The following STK33 variants were observed in gnomAD, a reference collection of about 807,000 sequenced individuals.
STK33 encodes the protein serine/threonine-protein kinase 33.
STK33 carries 52 observed loss-of-function variants against 58.0 expected under a neutral mutation model. That is an observed-to-expected ratio of 0.90 (90% CI 0.72 to 1.13). The LOEUF (loss-of-function observed/expected upper bound fraction) is 1.13. Ranked by LOEUF, STK33 falls within the 50% of genes most tolerant of loss-of-function variation. The pLI is 0.00. For synonymous variants in STK33, 215 were observed against 200.1 expected, an observed-to-expected ratio of 1.07 and a Z score of -0.63; for missense variants, 630 against 604.2, an observed-to-expected ratio of 1.04 and a Z score of -0.45.
chr11:8,431,005 TACCA>T (rs1299151582), intron 14 of STK33, among the ~76,000 whole-genome samples: 2 of 151,930 alleles, frequency 1.3e-5, no homozygotes. Flanking sequence ...TAGCTGGGAC[TACCA>T]GCACCCGCCA....
chr11:8,434,896 T>C (rs191809025), intron 14 of STK33, among the ~76,000 whole-genome samples: 340 of 152,302 alleles, frequency 2.2e-3, no homozygotes, highest in African/African-American at 3.0e-3. Context: ...CTTATTATTA[T>C]AGAAGGAGAA....
intron 11 of STK33, among the ~76,000 whole-genome samples, chr11:8,452,098 G>T (rs1946352484): frequency 6.6e-6 from 1 of 152,100 alleles, no homozygotes; most frequent in Non-Finnish European, 1.5e-5. Flanking sequence ...AGCTACTCTG[G>T]AGGCTGAGGC....
chr11:8,412,648 GTGAC>G (rs1206986499), intron 15 of STK33, among the ~76,000 whole-genome samples: 3 of 152,178 alleles, frequency 2.0e-5, no homozygotes, highest in African/African-American at 7.2e-5. Flanking sequence ...TCAGAAACCA[GTGAC>G]TCCTCACGAG....
At chr11:8,463,275 C>T (rs1279229022) in intron 7 of STK33, among the ~76,000 whole-genome samples, 1 of 152,192 alleles carries the variant, frequency 6.6e-6, no homozygotes, top group African/African-American at 2.4e-5. Context: ...TGAAACTGTT[C>T]TACCTCAGAT....
chr11:8,516,587 G>A (rs1450186156), intron 1 of STK33, among the ~76,000 whole-genome samples: 1 of 152,210 alleles, frequency 6.6e-6, no homozygotes, highest in African/African-American at 2.4e-5. Context: ...CCTGGCAAAG[G>A]GAAGCCGTGA....
chr11:8,442,030 TACACACACACACACAC>T (rs55646106), intron 11 of STK33, among the ~76,000 whole-genome samples: 14 of 143,324 alleles, frequency 9.8e-5, no homozygotes, highest in South Asian at 2.2e-4. Flanking sequence ...TACCTACACC[TACACACACACACACAC>T]ACACACACAC....
chr11:8,445,033 T>A (rs1010701516), intron 11 of STK33, among the ~76,000 whole-genome samples: 15 of 152,190 alleles, frequency 9.9e-5, no homozygotes, highest in Admixed American at 4.6e-4. Flanking sequence ...CATGGAATGT[T>A]TTCCATTTGT....
chr11:8,426,205 G>A (rs1030812157), intron 14 of STK33, among the ~76,000 whole-genome samples: 3 of 152,178 alleles, frequency 2.0e-5, no homozygotes, highest in Non-Finnish European at 4.4e-5. Context: ...AGATGGAGTG[G>A]GAAGGTGGTT....
the STK33 span, among the ~76,000 whole-genome samples, chr11:8,341,068 G>C: frequency 6.6e-6 from 1 of 151,814 alleles, no homozygotes; most frequent in Non-Finnish European, 1.5e-5. Flanking sequence ...ATGTTGGCCA[G>C]GCTGGTCTCG....
At chr11:8,380,171 T>C in the STK33 span, among the ~76,000 whole-genome samples, 1 of 152,280 alleles carries the variant, frequency 6.6e-6, no homozygotes, top group African/African-American at 2.4e-5. Flanking sequence ...GGTTGAATGG[T>C]ATTTGTGTTT....
At chr11:8,354,856 C>T in the STK33 span, among the ~76,000 whole-genome samples, 4 of 152,194 alleles carry the variant, frequency 2.6e-5, no homozygotes, top group Admixed American at 6.5e-5. Flanking sequence ...CCGGCCCCTC[C>T]GCGGCTGAAG....
Position 8,547,851 on chromosome 11 carries a change from T to C in STK33, c.-466+46232A>G, listed in dbSNP as rs370297063. ...GCAGCCATAAAAAAGGATGAGTTCATGTCCTTTGTAGGGACATAGATGAAG... is the reference window on the plus strand; with the variant it reads ...GCAGCCATAAAAAAGGATGAGTTCACGTCCTTTGTAGGGACATAGATGAAG... On this transcript the variant is annotated intron_variant, in intron 1 of 15. Coordinates refer to ENST00000687296, the MANE Select transcript of STK33 (RefSeq NM_001352389.2). 1.9e-4 allele frequency among the ~76,000 whole-genome samples: 29 copies of C among 152,324 alleles called. No individual in the cohort carries two copies. The East Asian group carries it at 5.4e-3, about 28-fold the overall frequency.
chr11:8,361,690 C>T, the STK33 span, among the ~76,000 whole-genome samples: 1 of 152,242 alleles, frequency 6.6e-6, no homozygotes, highest in Non-Finnish European at 1.5e-5. The surrounding 1 kb of genome is among the most constrained non-coding windows in gnomAD (Gnocchi z 4.8). Context: ...GGAAGCCCCA[C>T]CAGCTGCTCA....
chr11:8,460,055 G>C (rs991753526), intron 8 of STK33, among the ~76,000 whole-genome samples: 1 of 152,210 alleles, frequency 6.6e-6, no homozygotes, highest in Non-Finnish European at 1.5e-5. Context: ...ACCTAATGAA[G>C]CTTAAAGCAA....
At chr11:8,575,459 C>G (rs1208726134) in intron 1 of STK33, among the ~76,000 whole-genome samples, 2 of 152,148 alleles carry the variant, frequency 1.3e-5, no homozygotes, top group East Asian at 3.8e-4. Flanking sequence ...ATGGATGAAC[C>G]ATGAAAACAC....
At chr11:8,462,848 T>C (rs557640544) in intron 7 of STK33, among the ~76,000 whole-genome samples, 3 of 152,112 alleles carry the variant, frequency 2.0e-5, no homozygotes, top group Non-Finnish European at 2.9e-5. Flanking sequence ...ATCACCCCTA[T>C]TGATCTTGAA....
At chr11:8,537,686 C>A (rs1186310759) in intron 1 of STK33, among the ~76,000 whole-genome samples, 1 of 148,942 alleles carries the variant, frequency 6.7e-6, no homozygotes, top group Non-Finnish European at 1.5e-5. Context: ...GCAGGCAGAT[C>A]AAGACCAGGA....
intron 1 of STK33, among the ~76,000 whole-genome samples, chr11:8,501,380 T>G (rs952440844): frequency 6.6e-6 from 1 of 152,054 alleles, no homozygotes; most frequent in South Asian, 2.1e-4. Context: ...GGCAAAGAAT[T>G]TGAATAAATT....
chr11:8,500,692 G>C (rs1951449904), intron 1 of STK33, among the ~76,000 whole-genome samples: 1 of 152,098 alleles, frequency 6.6e-6, no homozygotes, highest in Non-Finnish European at 1.5e-5. Flanking sequence ...TAATTGTAAA[G>C]TTCATATGAA....
Sources: gnomAD v4.1 joint callset for allele counts (sites outside exome capture counted in the v4.1 genomes callset) on GRCh38, gnomAD v4.1.1 for gene constraint, Gnocchi (gnomAD v3.1) non-coding constraint, MANE v1.5 for transcripts, NCBI Gene and HGNC (gene_info 2026-07-23, HGNC 2026-07-21) for gene names.